Variants in WNT2 observed in about 807,000 individuals in gnomAD.
WNT2 encodes the protein protein Wnt-2.
In WNT2, 12 loss-of-function variants were observed where a neutral mutation model predicts 36.9. The observed-to-expected ratio is 0.33, with a 90% confidence interval of 0.21 to 0.53. The LOEUF (loss-of-function observed/expected upper bound fraction) is 0.53, where lower values mean the gene tolerates loss of function less well. WNT2 is among the 20% of genes least tolerant of loss of function. The pLI, the probability that WNT2 is intolerant of heterozygous loss-of-function variation, is 0.95. For missense variants in WNT2, 379 were observed against 473.1 expected, an observed-to-expected ratio of 0.80 and a Z score of 1.84; for synonymous variants, 163 against 174.6, an observed-to-expected ratio of 0.93 and a Z score of 0.52.
At position 117,276,888 on chromosome 7, in the gene WNT2, G is replaced by C. The variant is rs913332208; in HGVS notation, c.*1267C>G. On this transcript the variant is annotated 3_prime_UTR_variant, in exon 5 of 5. Transcript: ENST00000265441. ...TGAGTCCCTTAAACATAGTCTCCAAGTTACGATTTGTTTGCAATATAATAT... is the reference window on the plus strand; with the variant it reads ...TGAGTCCCTTAAACATAGTCTCCAACTTACGATTTGTTTGCAATATAATAT... The C allele has an allele frequency of 6.6e-6, 1 of 152,186 alleles. No individual in the cohort carries two copies. 9.4% of individuals were successfully genotyped at this position (152,186 alleles called of 1,614,324 possible).
At chr7:117,316,893 A>T (rs1404828795) in intron 2 of WNT2, among the ~76,000 whole-genome samples, 1 of 152,230 alleles carries the variant, frequency 6.6e-6, no homozygotes, top group Non-Finnish European at 1.5e-5. Flanking sequence ...TCTAAGTGGA[A>T]TTGAGATGTT....
chr7:117,278,419 T>C (rs1246720737), intron 4 of WNT2, 35 bp from the exon 5 acceptor site: 2 of 1,586,656 alleles, frequency 1.3e-6, no homozygotes, highest in South Asian at 1.1e-5. Flanking sequence ...ACTGAAAAGG[T>C]CTGGGTGGAA....
At chr7:117,310,614 C>T (rs1795104378) in intron 3 of WNT2, among the ~76,000 whole-genome samples, 1 of 149,956 alleles carries the variant, frequency 6.7e-6, no homozygotes, top group African/African-American at 2.4e-5. Context: ...AAAGGGCTCT[C>T]CAGATCTGGC....
chr7:117,306,939 G>A lies in WNT2; in HGVS notation c.588+8132C>T, dbSNP rs191898909. On this transcript the variant is annotated intron_variant, in intron 3 of 4. Coordinates refer to ENST00000265441, the MANE Select transcript of WNT2 (RefSeq NM_003391.3). ...TCAATAGGCTCATAACTGCTTCAGTGCTAAAATCTTAGCAGATTTTTTTAT... is the reference window on the plus strand; with the variant it reads ...TCAATAGGCTCATAACTGCTTCAGTACTAAAATCTTAGCAGATTTTTTTAT... Among the ~76,000 whole-genome samples the A allele has an allele frequency of 2.0e-3, 298 of 152,142 alleles. 1 individual carries two copies. Among genetic ancestry groups the A allele is most frequent in the Middle Eastern group, 6.8e-3 (2 of 294 alleles).
At chr7:117,297,537 C>CAGA in intron 4 of WNT2, 75 bp downstream of exon 4, 1 of 1,515,290 alleles carries the variant, frequency 6.6e-7, no homozygotes. Flanking sequence ...GCTGAAAATA[C>CAGA]AGAACCTCAT....
chr7:117,301,487 A>G (rs1794904825), intron 3 of WNT2, among the ~76,000 whole-genome samples: 1 of 152,236 alleles, frequency 6.6e-6, no homozygotes, highest in South Asian at 2.1e-4. Context: ...ATAACATGAT[A>G]ACAATAACAA....
At chr7:117,301,873 T>C (rs1193432064) in intron 3 of WNT2, among the ~76,000 whole-genome samples, 2 of 148,832 alleles carry the variant, frequency 1.3e-5, no homozygotes, top group African/African-American at 5.0e-5. Flanking sequence ...AATGGTGTGA[T>C]CTCGGCTCAC....
At chr7:117,306,581 CCTT>C (rs1314496763) in intron 3 of WNT2, among the ~76,000 whole-genome samples, 1 of 152,148 alleles carries the variant, frequency 6.6e-6, no homozygotes, top group Non-Finnish European at 1.5e-5. Context: ...TGTTCTACTT[CCTT>C]CTTCTTTGAT....
chr7:117,285,548 A>G (rs17139590), intron 4 of WNT2, among the ~76,000 whole-genome samples: 5 of 152,188 alleles, frequency 3.3e-5, no homozygotes, highest in Admixed American at 6.5e-5. Context: ...CTTGATCTTT[A>G]TAGGACAAAT....
chr7:117,287,541 T>G, intron 4 of WNT2, among the ~76,000 whole-genome samples: 1 of 152,088 alleles, frequency 6.6e-6, no homozygotes, highest in East Asian at 1.9e-4. Flanking sequence ...TCATGCACTG[T>G]TTGGAAATAT....
chr7:117,280,095 G>A (rs1337803324), intron 4 of WNT2, among the ~76,000 whole-genome samples: 2 of 152,070 alleles, frequency 1.3e-5, no homozygotes, highest in Admixed American at 1.3e-4. Flanking sequence ...AGAATGATTG[G>A]CGGCGGAGAG....
chr7:117,278,870 A>T (rs1794429549), intron 4 of WNT2, among the ~76,000 whole-genome samples: 1 of 152,236 alleles, frequency 6.6e-6, no homozygotes, highest in Non-Finnish European at 1.5e-5. Context: ...TTATCTCCAT[A>T]GACCTGATTA....
chr7:117,279,186 T>A (rs929854651), intron 4 of WNT2, among the ~76,000 whole-genome samples: 1 of 152,252 alleles, frequency 6.6e-6, no homozygotes, highest in Non-Finnish European at 1.5e-5. Flanking sequence ...TTCTGAAAAA[T>A]AATTTTAAAG....
At chr7:117,306,706 T>A (rs967834805) in intron 3 of WNT2, among the ~76,000 whole-genome samples, 1 of 152,198 alleles carries the variant, frequency 6.6e-6, no homozygotes, top group Admixed American at 6.5e-5. Flanking sequence ...AGCACAATTC[T>A]TAATCAGTCC....
At chr7:117,311,424 A>G (rs1019761577) in intron 3 of WNT2, among the ~76,000 whole-genome samples, 4 of 152,214 alleles carry the variant, frequency 2.6e-5, no homozygotes, top group Non-Finnish European at 5.9e-5. Flanking sequence ...GTGAACTCCC[A>G]GGATCTAGTA....
chr7:117,309,871 T>C (rs1451274390), intron 3 of WNT2, among the ~76,000 whole-genome samples: 1 of 152,232 alleles, frequency 6.6e-6, no homozygotes, highest in Non-Finnish European at 1.5e-5. Flanking sequence ...AGAAGCTTTC[T>C]ATATCAGTAC....
chr7:117,314,959 AG>A, intron 3 of WNT2, 111 bp downstream of exon 3: 3 of 1,454,548 alleles, frequency 2.1e-6, no homozygotes, highest in Admixed American at 4.3e-5. Context: ...GACAGTAGGA[AG>A]TTGTGACTAC....
chr7:117,300,382 T>C (rs1183847200), intron 3 of WNT2, among the ~76,000 whole-genome samples: 1 of 152,148 alleles, frequency 6.6e-6, no homozygotes, highest in Non-Finnish European at 1.5e-5. Flanking sequence ...AGATGGGGTT[T>C]CACCATGTTG....
chr7:117,301,964 C>T lies in WNT2; in HGVS notation c.589-4088G>A, dbSNP rs889130245. On this transcript the variant is annotated intron_variant, in intron 3 of 4. Transcript: ENST00000265441. ...CTGGGATTACAGGTGCATGCCACCA[C>T]GCCTTGCTATTTTTTTGTATTTTTA... Among the ~76,000 whole-genome samples the T allele has an allele frequency of 5.9e-5, 9 of 151,844 alleles. No homozygotes were observed. The South Asian group carries it at 1.0e-3, about 18-fold the overall frequency.
Sources: allele counts gnomAD v4.1 joint callset (sites outside exome capture counted in the v4.1 genomes callset), GRCh38; gene constraint gnomAD v4.1.1; transcripts MANE v1.5; gene names NCBI Gene and HGNC (gene_info 2026-07-23, HGNC 2026-07-21).